The following MAD1L1 variants were observed in gnomAD, a reference collection of about 807,000 sequenced individuals.
The protein encoded by MAD1L1 is mitotic arrest deficient 1 like 1.
In MAD1L1, 95 loss-of-function variants were observed where a neutral mutation model predicts 96.9. The observed-to-expected ratio is 0.98, with a 90% CI of 0.83 to 1.16. The LOEUF is 1.16. Among genes scored for constraint, MAD1L1 ranks in the 50% most tolerant of loss-of-function variants. MAD1L1 has a pLI of 0.00. For synonymous variants in MAD1L1, 473 were observed against 396.6 expected, an observed-to-expected ratio of 1.19 and a Z score of -2.29; for missense variants, 1,007 against 954.4, an observed-to-expected ratio of 1.06 and a Z score of -0.73.
intron 18 of MAD1L1, among the ~76,000 whole-genome samples, chr7:1,818,893 A>G (rs11764779): frequency 0.18 from 26,630 of 151,400 alleles, 2,489 homozygotes; most frequent in South Asian, 0.2. Flanking sequence ...AGGCAGGAGT[A>G]ACCAGTGCTA....
chr7:1,946,521 A>C (rs532242542), intron 16 of MAD1L1, among the ~76,000 whole-genome samples: 1 of 152,368 alleles, frequency 6.6e-6, no homozygotes, highest in South Asian at 2.1e-4. Context: ...GCTGACGAGA[A>C]TCTCAAAAGG....
intron 18 of MAD1L1, 26 bp downstream of exon 18, chr7:1,898,174 G>T (rs749837610): frequency 2.0e-5 from 32 of 1,578,912 alleles, no homozygotes; most frequent in Middle Eastern, 3.5e-4. Context: ...CGAGACAGCC[G>T]GAGAGCCGTC....
chr7:2,175,313 C>A (rs920667242), intron 10 of MAD1L1: 1 of 152,162 alleles, frequency 6.6e-6, no homozygotes, highest in African/African-American at 2.4e-5. Context: ...AGTCACAGCT[C>A]CCAAGCGTGG....
chr7:1,959,104 T>C (rs1468276325), intron 15 of MAD1L1, among the ~76,000 whole-genome samples: 2 of 152,008 alleles, frequency 1.3e-5, no homozygotes, highest in Admixed American at 6.6e-5. Context: ...ATAAAAAAAT[T>C]AGCCGGGCGT....
intron 10 of MAD1L1, chr7:2,200,336 G>T (rs6950269): frequency 0.27 from 40,458 of 152,436 alleles, 7,199 homozygotes; most frequent in African/African-American, 0.51. Context: ...GGCAACAGCC[G>T]GATCTTGTTC....
intron 18 of MAD1L1, among the ~76,000 whole-genome samples, chr7:1,820,014 G>C (rs1395112512): frequency 6.6e-6 from 1 of 152,098 alleles, no homozygotes; most frequent in African/African-American, 2.4e-5. Flanking sequence ...GCAGGAAATG[G>C]AAACGATGCT....
intron 10 of MAD1L1, among the ~76,000 whole-genome samples, chr7:2,179,177 G>A (rs531523726): frequency 3.3e-5 from 5 of 152,266 alleles, no homozygotes; most frequent in African/African-American, 9.6e-5. Context: ...GAGTGCGCCT[G>A]GGGCATTTTA....
At chr7:2,012,640 G>C (rs1463312872) in intron 13 of MAD1L1, among the ~76,000 whole-genome samples, 10 of 152,210 alleles carry the variant, frequency 6.6e-5, no homozygotes, top group Non-Finnish European at 1.5e-4. Context: ...GAACACACCA[G>C]GGGGCAGTAC....
Position 1,908,370 on chromosome 7 carries a change from C to T in MAD1L1, c.1808-9980G>A, listed in dbSNP as rs138407589. 4.3e-3 allele frequency among the ~76,000 whole-genome samples: 648 copies of T among 152,246 alleles called. 3 individuals are homozygous for T. Among genetic ancestry groups the T allele is most frequent in the Middle Eastern group, 0.031 (9 of 294 alleles). On this transcript the variant is annotated intron_variant, in intron 17 of 18. Transcript: ENST00000265854. ...TGCAGAATTCCAGGCTGTATACACT[C>T]CTCCTTCAGTTGTGTTTGTTTTGTT...
At chr7:2,109,774 T>C (rs565387249) in intron 11 of MAD1L1, among the ~76,000 whole-genome samples, 1 of 152,378 alleles carries the variant, frequency 6.6e-6, no homozygotes, top group East Asian at 1.9e-4. Context: ...TAATTGAATG[T>C]TGCCATTACA....
chr7:2,013,819 C>T (rs1352819179), intron 13 of MAD1L1, among the ~76,000 whole-genome samples: 2 of 151,484 alleles, frequency 1.3e-5, no homozygotes, highest in African/African-American at 4.9e-5. Flanking sequence ...GGAGTGTGGA[C>T]GTGGCCTCCG....
intron 10 of MAD1L1, among the ~76,000 whole-genome samples, chr7:2,188,037 T>C (rs1406036820): frequency 4.6e-5 from 7 of 152,250 alleles, no homozygotes; most frequent in Non-Finnish European, 8.8e-5. Flanking sequence ...GATTAGCTTG[T>C]AATTTCTTTA....
chr7:2,144,315 G>A (rs1332979527), intron 11 of MAD1L1, among the ~76,000 whole-genome samples: 2 of 152,210 alleles, frequency 1.3e-5, no homozygotes, highest in African/African-American at 4.8e-5. Flanking sequence ...TGCTCTCAGC[G>A]TCCCCATCGT....
At chr7:2,047,085 G>A (rs1238355155) in intron 12 of MAD1L1, among the ~76,000 whole-genome samples, 1 of 152,204 alleles carries the variant, frequency 6.6e-6, no homozygotes, top group Non-Finnish European at 1.5e-5. Flanking sequence ...ACCCTCCTGG[G>A]CAAACAGTCT....
intron 12 of MAD1L1, among the ~76,000 whole-genome samples, chr7:2,017,385 T>C (rs563419011): frequency 4.2e-4 from 64 of 152,300 alleles, no homozygotes; most frequent in African/African-American, 1.3e-3. Flanking sequence ...AGGAATAGAA[T>C]GTGCTCATCA....
chr7:1,941,523 G>A (rs566448129), intron 16 of MAD1L1, among the ~76,000 whole-genome samples: 56 of 152,308 alleles, frequency 3.7e-4, no homozygotes, highest in African/African-American at 1.2e-3. Flanking sequence ...ACAGTGCAGC[G>A]CCCTGCACTG....
chr7:2,009,416 T>C (rs1208152114), intron 13 of MAD1L1, among the ~76,000 whole-genome samples: 1 of 152,112 alleles, frequency 6.6e-6, no homozygotes, highest in Non-Finnish European at 1.5e-5. Flanking sequence ...CCGGTGGTCA[T>C]GGTCACGGTC....
At chr7:1,847,790 G>A (rs568682677) in intron 18 of MAD1L1, 112 of 442,806 alleles carry the variant, frequency 2.5e-4, no homozygotes, top group African/African-American at 2.1e-3. Context: ...TGAACGAATC[G>A]GCCTGCCTAG....
intron 14 of MAD1L1, among the ~76,000 whole-genome samples, chr7:1,994,591 C>G (rs1176028056): frequency 1.3e-5 from 2 of 152,158 alleles, no homozygotes; most frequent in East Asian, 3.9e-4. Flanking sequence ...CTGTGTGCTC[C>G]CGCTCTCATG....
Sources: allele counts gnomAD v4.1 joint callset (sites outside exome capture counted in the v4.1 genomes callset), GRCh38; gene constraint gnomAD v4.1.1; transcripts MANE v1.5; gene names NCBI Gene and HGNC (gene_info 2026-07-23, HGNC 2026-07-21).